Variants in DESI2 observed in about 807,000 individuals in gnomAD.
DESI2 encodes deubiquitinase DESI2.
A neutral mutation model predicts 24.1 loss-of-function variants in DESI2; 10 were observed. The observed-to-expected ratio is 0.41, with a 90% CI of 0.26 to 0.70. The LOEUF is 0.70. Among genes scored for constraint, DESI2 ranks in the 30% least tolerant of loss-of-function variants. The pLI is 0.29. For missense variants in DESI2, 122 were observed against 234.9 expected (o/e 0.52, Z 3.14); for synonymous variants, 71 against 87.7 (o/e 0.81, Z 1.06).
chr1:244,686,266 ATG>A (rs71574695), intron 1 of DESI2, among the ~76,000 whole-genome samples: 84 of 145,310 alleles, frequency 5.8e-4, no homozygotes, highest in Middle Eastern at 3.5e-3. Flanking sequence ...GTGTGTGTGT[ATG>A]TGTGTGTGTG....
intron 4 of DESI2, among the ~76,000 whole-genome samples, chr1:244,692,671 C>T (rs1326348046): frequency 3.9e-5 from 6 of 152,156 alleles, no homozygotes; most frequent in Non-Finnish European, 8.8e-5. Context: ...AAGGAGAGAA[C>T]GAGCTGCTGC....
chr1:244,686,472 C>A, intron 1 of DESI2, 125 bp from the exon 2 acceptor site: 1 of 657,372 alleles, frequency 1.5e-6, no homozygotes, highest in Non-Finnish European at 2.7e-6. Flanking sequence ...GCCACAGAGA[C>A]AGGACCACTG....
intron 1 of DESI2, among the ~76,000 whole-genome samples, chr1:244,661,151 A>G (rs1451315712): frequency 2.0e-5 from 3 of 152,218 alleles, no homozygotes; most frequent in Non-Finnish European, 2.9e-5. Context: ...GAGACTCTAT[A>G]CCCACTAAAC....
Position 244,660,162 on chromosome 1 carries a change from G to C in DESI2, c.42+6807G>C, listed in dbSNP as rs199899497. On this transcript the variant is annotated intron_variant, in intron 1 of 4. Transcript: ENST00000302550. ...TTGTTTTATGGATTTTTCTTTTTTTGTTGTTGTTTTGTTGTTGTTGTTGTT... is the reference window on the plus strand; with the variant it reads ...TTGTTTTATGGATTTTTCTTTTTTTCTTGTTGTTTTGTTGTTGTTGTTGTT... Among the ~76,000 whole-genome samples the C allele has an allele frequency of 3.3e-4, 25 of 74,836 alleles. 1 individual carries two copies. Among genetic ancestry groups the C allele is most frequent in the African/African-American group, 1.7e-3 (25 of 14,620 alleles). 49.1% of individuals were successfully genotyped at this position (74,836 alleles called of 152,430 possible). A position where few individuals can be genotyped will look rare whatever the true frequency, so the allele number is the denominator to read the frequency against.
chr1:244,705,867 T>C lies in DESI2; in HGVS notation c.*78T>C. The C allele has an allele frequency of 2.0e-6, 2 of 1,024,288 alleles. No homozygotes were observed. Among genetic ancestry groups the C allele is most frequent in the South Asian group, 3.1e-5 (2 of 65,572 alleles). The allele number at this position is 1,024,288 out of a possible 1,614,324, so 63.4% of individuals were successfully genotyped here. Reference sequence around the variant, plus strand: ...GAGAAAAGTAAACAGAGAAGCATCCTTTAGATATTTTGTATGCAAAGATGG... The same window carrying C: ...GAGAAAAGTAAACAGAGAAGCATCCCTTAGATATTTTGTATGCAAAGATGG... On this transcript the variant is annotated 3_prime_UTR_variant, in exon 5 of 5. Transcript: ENST00000302550.
At chr1:244,663,845 C>G (rs1675941996) in intron 1 of DESI2, among the ~76,000 whole-genome samples, 1 of 151,816 alleles carries the variant, frequency 6.6e-6, no homozygotes, top group Non-Finnish European at 1.5e-5. Context: ...GGTGAAACCC[C>G]ATCTCTGCTA....
chr1:244,685,523 C>A (rs976141882), intron 1 of DESI2, among the ~76,000 whole-genome samples: 1 of 152,026 alleles, frequency 6.6e-6, no homozygotes, highest in Non-Finnish European at 1.5e-5. Context: ...TTTATGATTG[C>A]TTAATTCTTC....
At chr1:244,691,391 G>A (rs1677026729) in intron 3 of DESI2, among the ~76,000 whole-genome samples, 1 of 152,102 alleles carries the variant, frequency 6.6e-6, no homozygotes. Flanking sequence ...ACCCGGCCAG[G>A]GTCCTTCTTT....
intron 1 of DESI2, among the ~76,000 whole-genome samples, chr1:244,661,064 A>C (rs1056295228): frequency 8.5e-5 from 13 of 152,188 alleles, no homozygotes; most frequent in Non-Finnish European, 5.9e-5. Flanking sequence ...TACGTTTTTA[A>C]CTATACAATC....
At chr1:244,658,059 C>A (rs1056971345) in intron 1 of DESI2, among the ~76,000 whole-genome samples, 1 of 152,144 alleles carries the variant, frequency 6.6e-6, no homozygotes, top group Non-Finnish European at 1.5e-5. Context: ...TTATTTAAAT[C>A]GGTTACTTTA....
intron 1 of DESI2, among the ~76,000 whole-genome samples, chr1:244,684,587 T>C (rs1409639558): frequency 6.6e-6 from 1 of 152,214 alleles, no homozygotes; most frequent in Non-Finnish European, 1.5e-5. Context: ...CCTCATTCTT[T>C]TTTCTTTTTT....
chr1:244,694,251 A>C (rs1677128457), intron 4 of DESI2, among the ~76,000 whole-genome samples: 1 of 152,222 alleles, frequency 6.6e-6, no homozygotes, highest in Admixed American at 6.5e-5. Flanking sequence ...CCAGCGTGTC[A>C]TCTGTCCTTG....
chr1:244,699,116 T>G (rs549013572), intron 4 of DESI2, among the ~76,000 whole-genome samples: 3 of 152,304 alleles, frequency 2.0e-5, no homozygotes, highest in Admixed American at 6.5e-5. Context: ...GCAGTTTGAT[T>G]ACTAAATGCA....
At chr1:244,682,949 G>T (rs966621002) in intron 1 of DESI2, among the ~76,000 whole-genome samples, 6 of 152,172 alleles carry the variant, frequency 3.9e-5, no homozygotes, top group Non-Finnish European at 8.8e-5. Context: ...CATGGCAATG[G>T]GATTTTGCAG....
At chr1:244,676,814 TTATATA>T (rs564574019) in intron 1 of DESI2, among the ~76,000 whole-genome samples, 70 of 147,442 alleles carry the variant, frequency 4.7e-4, no homozygotes, top group African/African-American at 1.6e-3. Context: ...TATATATATT[TTATATA>T]TATATATCAT....
intron 1 of DESI2, among the ~76,000 whole-genome samples, chr1:244,654,830 A>G (rs1287074337): frequency 6.6e-6 from 1 of 152,084 alleles, no homozygotes; most frequent in East Asian, 1.9e-4. Flanking sequence ...TTTTTTATTC[A>G]TGAGGGCTAT....
intron 1 of DESI2, among the ~76,000 whole-genome samples, chr1:244,670,481 A>G (rs1676209109): frequency 6.6e-6 from 1 of 152,244 alleles, no homozygotes; most frequent in Non-Finnish European, 1.5e-5. Context: ...CTTATTGCCA[A>G]TAAATACGCG....
rs1199576286 is a variant in DESI2 at position 244,707,930 on chromosome 1, AC to A, written c.*2143del. ...AATAGTGTCCTAAGGCCAATTACCT[AC>A]CATACTAACAATCAGCAGATAAAAT... On this transcript the variant is annotated 3_prime_UTR_variant, in exon 5 of 5. Coordinates refer to ENST00000302550, the MANE Select transcript of DESI2 (RefSeq NM_016076.5). The A allele has an allele frequency of 3.9e-5, 6 of 152,204 alleles. No homozygotes were observed. Among genetic ancestry groups the A allele is most frequent in the Admixed American group, 3.9e-4 (6 of 15,278 alleles). The allele number at this position is 152,204 out of a possible 1,614,324, so 9.4% of individuals were successfully genotyped here. A position where few individuals can be genotyped will look rare whatever the true frequency, so the allele number is the denominator to read the frequency against.
Position 244,692,829 on chromosome 1 carries a change from C to G in DESI2, c.351+809C>G, listed in dbSNP as rs1051691244. ...CATGGACCAGCAGCATCAGCATCTC[C>G]TAGTAATTTGTGAGATATGTATTAT... On this transcript the variant is annotated intron_variant, in intron 4 of 4. Transcript: ENST00000302550. Among the ~76,000 whole-genome samples, 6 of 152,166 alleles carry G rather than the reference C, an allele frequency of 3.9e-5. 1 individual carries two copies. The highest frequency in any genetic ancestry group is 1.4e-4 in the African/African-American group (6 of 41,432).
Sources: allele counts gnomAD v4.1 joint callset (sites outside exome capture counted in the v4.1 genomes callset), GRCh38; gene constraint gnomAD v4.1.1; transcripts MANE v1.5; gene names NCBI Gene and HGNC (gene_info 2026-07-23, HGNC 2026-07-21).